The following EPHA5 variants were observed in gnomAD, a reference collection of about 807,000 sequenced individuals.
EPHA5 encodes ephrin type-A receptor 5.
A neutral mutation model predicts 105.0 loss-of-function variants in EPHA5; 60 were observed. That is an observed-to-expected ratio of 0.57 (90% confidence interval 0.46 to 0.71). The LOEUF (loss-of-function observed/expected upper bound fraction) is 0.71. Ranked by LOEUF, EPHA5 falls within the 30% of genes least tolerant of loss-of-function variation. EPHA5 has a pLI of 0.00. For synonymous variants in EPHA5, 513 were observed against 449.1 expected, an observed-to-expected ratio of 1.14 and a Z score of -1.80; for missense variants, 1,218 against 1,274.7, an observed-to-expected ratio of 0.96 and a Z score of 0.68.
At chr4:65,481,515 A>G (rs1730361567) in intron 5 of EPHA5, among the ~76,000 whole-genome samples, 1 of 152,132 alleles carries the variant, frequency 6.6e-6, no homozygotes, top group South Asian at 2.1e-4. Context: ...CTGCTCCTTC[A>G]TTTCTTCAAT....
At chr4:65,335,146 A>G (rs1441865721) in intron 15 of EPHA5, among the ~76,000 whole-genome samples, 1 of 152,050 alleles carries the variant, frequency 6.6e-6, no homozygotes, top group African/African-American at 2.4e-5. Context: ...CAATTTAGTT[A>G]TTAACATAAC....
rs74653442 is a variant in EPHA5, at chr4:65,396,077, A to G, written c.1793+8297T>C. Among the ~76,000 whole-genome samples, 87 of 152,306 alleles carry G rather than the reference A, an allele frequency of 5.7e-4. 4 individuals carry two copies. The East Asian group carries it at 0.017, about 29-fold the overall frequency. ...CATCCCTGTGCTTTGGGGAACCCCA[A>G]AAGACTCCCTGCCCCTGTAGGCTCA... On this transcript the variant is annotated intron_variant, in intron 8 of 16. Transcript: ENST00000613740.
At chr4:65,538,192 A>G (rs12501082) in intron 3 of EPHA5, among the ~76,000 whole-genome samples, 17,391 of 151,762 alleles carry the variant, frequency 0.11, 1,438 homozygotes, top group East Asian at 0.3. Flanking sequence ...TAGGGTACGG[A>G]GATATATCTA....
chr4:65,502,203 T>C (rs1732560663), intron 3 of EPHA5, among the ~76,000 whole-genome samples: 1 of 151,182 alleles, frequency 6.6e-6, no homozygotes, highest in Non-Finnish European at 1.5e-5. Context: ...AAAAAAAGAA[T>C]GTATGACTAA....
chr4:65,528,100 C>T (rs185209283), intron 3 of EPHA5, among the ~76,000 whole-genome samples: 82 of 152,122 alleles, frequency 5.4e-4, no homozygotes, highest in Non-Finnish European at 4.4e-5. Flanking sequence ...AACAATTTGA[C>T]CAGAAAATGT....
intron 8 of EPHA5, among the ~76,000 whole-genome samples, chr4:65,387,098 A>G (rs2148944893): frequency 6.6e-6 from 1 of 152,074 alleles, no homozygotes; most frequent in Non-Finnish European, 1.5e-5. Context: ...GTGCAGGTGC[A>G]ATCTGAGCAC....
chr4:65,507,660 T>C (rs1170495307), intron 3 of EPHA5, among the ~76,000 whole-genome samples: 6 of 152,152 alleles, frequency 3.9e-5, no homozygotes, highest in African/African-American at 1.4e-4. Flanking sequence ...ATGATTTTCC[T>C]CCCTATTTGT....
At chr4:65,513,403 C>G (rs71612725) in intron 3 of EPHA5, among the ~76,000 whole-genome samples, 1 of 151,742 alleles carries the variant, frequency 6.6e-6, no homozygotes, top group East Asian at 1.9e-4. Flanking sequence ...TTTGTTTTTT[C>G]TGAGTTGGAG....
chr4:65,575,998 GAGAGAAAGAA>G lies in EPHA5; in HGVS notation c.910+25633_910+25642del, dbSNP rs1171529394. ...CAAAAAAGAAAGAGAGAGAGAGAGA[GAGAGAAAGAA>G]AGAAAGAAAGAAAGAAAGAAAGAAA... On this transcript the variant is annotated intron_variant, in intron 3 of 16. Coordinates refer to ENST00000613740, the MANE Select transcript of EPHA5 (RefSeq NM_001281766.3). 6.2e-3 allele frequency among the ~76,000 whole-genome samples: 506 copies of G among 81,714 alleles called. 8 individuals carry two copies. The highest frequency in any genetic ancestry group is 9.1e-3 in the Non-Finnish European group (386 of 42,526). The allele number at this position is 81,714 out of a possible 152,430, so 53.6% of individuals were successfully genotyped here.
intron 3 of EPHA5, among the ~76,000 whole-genome samples, chr4:65,573,268 G>A (rs1294345956): frequency 6.6e-6 from 1 of 151,682 alleles, no homozygotes; most frequent in African/African-American, 2.4e-5. Context: ...AAAATTAGCT[G>A]GGCGTGGTGG....
chr4:65,363,211 G>C (rs1447779561), intron 11 of EPHA5, among the ~76,000 whole-genome samples: 1 of 151,516 alleles, frequency 6.6e-6, no homozygotes, highest in Non-Finnish European at 1.5e-5. Context: ...AAGTGGAGAA[G>C]TAGTAACTAT....
intron 1 of EPHA5, among the ~76,000 whole-genome samples, chr4:65,655,511 G>A (rs4566705): frequency 0.24 from 37,182 of 151,886 alleles, 5,266 homozygotes; most frequent in East Asian, 0.57. Context: ...GTATTTTGTA[G>A]CAATGTCAAA....
intron 14 of EPHA5, among the ~76,000 whole-genome samples, chr4:65,340,753 G>T: frequency 6.6e-6 from 1 of 152,160 alleles, no homozygotes; most frequent in East Asian, 1.9e-4. Flanking sequence ...GTGTGTCATG[G>T]CAAGAGAATA....
intron 3 of EPHA5, among the ~76,000 whole-genome samples, chr4:65,563,702 C>G (rs904561477): frequency 1.3e-5 from 2 of 151,944 alleles, no homozygotes; most frequent in Non-Finnish European, 1.5e-5. Flanking sequence ...AGCAAGCACT[C>G]TTTTGATGAA....
At chr4:65,492,353 C>G (rs142346993) in intron 4 of EPHA5, among the ~76,000 whole-genome samples, 5 of 151,706 alleles carry the variant, frequency 3.3e-5, no homozygotes, top group Admixed American at 6.6e-5. Context: ...AGGGGCCCAC[C>G]ACCACACCTG....
intron 1 of EPHA5, among the ~76,000 whole-genome samples, chr4:65,663,450 T>C (rs2149554371): frequency 6.6e-6 from 1 of 152,128 alleles, no homozygotes; most frequent in Middle Eastern, 3.4e-3. Context: ...GGATGAAAAT[T>C]TGAGCTTTTA....
intron 16 of EPHA5, among the ~76,000 whole-genome samples, chr4:65,326,052 G>GTA (rs1026421390): frequency 4.1e-5 from 6 of 146,822 alleles, no homozygotes; most frequent in East Asian, 2.0e-4. Context: ...GTATATATAT[G>GTA]TATATATATA....
At chr4:65,495,612 C>A (rs2149227236) in intron 3 of EPHA5, 69 bp from the exon 4 acceptor site, 3 of 1,360,690 alleles carry the variant, frequency 2.2e-6, no homozygotes, top group Non-Finnish European at 3.0e-6. Flanking sequence ...TGAATAATGT[C>A]ATTATTTTGA....
intron 2 of EPHA5, among the ~76,000 whole-genome samples, chr4:65,606,145 G>T (rs910319596): frequency 3.3e-5 from 5 of 151,982 alleles, no homozygotes; most frequent in Admixed American, 6.6e-5. Flanking sequence ...TTTTCCAGAC[G>T]TCATGTAACC....
Sources: gnomAD v4.1 joint callset for allele counts (sites outside exome capture counted in the v4.1 genomes callset) on GRCh38, gnomAD v4.1.1 for gene constraint, MANE v1.5 for transcripts, NCBI Gene and HGNC (gene_info 2026-07-23, HGNC 2026-07-21) for gene names.